ZNF407: variants seen among roughly 807,000 people sequenced by gnomAD.
ZNF407 encodes zinc finger protein 407.
In ZNF407, 17 loss-of-function variants were observed where a neutral mutation model predicts 131.2. The ratio of observed to expected loss-of-function variants is 0.13; its 90% CI spans 0.09 to 0.19. The LOEUF (loss-of-function observed/expected upper bound fraction) is 0.19, where lower values mean the gene tolerates loss of function less well. Ranked by LOEUF, ZNF407 falls within the 10% of genes least tolerant of loss-of-function variation. The pLI is 1.00. For synonymous variants in ZNF407, 1,156 were observed against 1,062.0 expected (o/e 1.09, Z -1.72); for missense variants, 2,681 against 2,830.6 (o/e 0.95, Z 1.20).
chr18:74,645,103 C>T lies in ZNF407; in HGVS notation c.4802+3981C>T, dbSNP rs1300063957. On this transcript the variant is annotated intron_variant, in intron 3 of 8. Coordinates refer to ENST00000299687, the MANE Select transcript of ZNF407 (RefSeq NM_017757.3). ...GTTGTTTTAAATAGTTTTATTTTTTCCCACTCATTCATGTGTTGATTATTG... is the reference window on the plus strand; with the variant it reads ...GTTGTTTTAAATAGTTTTATTTTTTTCCACTCATTCATGTGTTGATTATTG... Among the ~76,000 whole-genome samples, 4 of 145,410 alleles carry T rather than the reference C, an allele frequency of 2.8e-5. No homozygotes were observed. In the East Asian group the frequency reaches 7.8e-4, roughly 28 times the overall value.
chr18:74,735,144 A>C (rs763370395), intron 3 of ZNF407, among the ~76,000 whole-genome samples: 1 of 152,206 alleles, frequency 6.6e-6, no homozygotes, highest in African/African-American at 2.4e-5. Flanking sequence ...AATACTGTAT[A>C]GTTGTTTTAA....
intron 8 of ZNF407, among the ~76,000 whole-genome samples, chr18:75,000,695 A>T (rs183262003): frequency 6.6e-6 from 1 of 152,214 alleles, no homozygotes; most frequent in East Asian, 1.9e-4. Context: ...TTTTTTCTGC[A>T]TCATTTTTAT....
At chr18:74,759,365 T>C (rs1969039582) in intron 3 of ZNF407, among the ~76,000 whole-genome samples, 1 of 152,214 alleles carries the variant, frequency 6.6e-6, no homozygotes, top group South Asian at 2.1e-4. Flanking sequence ...GTCTCTTGGA[T>C]GTTAAGACTA....
At chr18:74,689,547 A>G (rs1305862777) in intron 3 of ZNF407, among the ~76,000 whole-genome samples, 1 of 152,206 alleles carries the variant, frequency 6.6e-6, no homozygotes, top group Non-Finnish European at 1.5e-5. Context: ...TTCTGCCACA[A>G]ATGCTTTATA....
At chr18:74,621,451 AC>A (rs1217572040) in intron 1 of ZNF407, among the ~76,000 whole-genome samples, 1 of 151,970 alleles carries the variant, frequency 6.6e-6, no homozygotes, top group Admixed American at 6.6e-5. Context: ...CTGAAGGCTT[AC>A]CTCAAGCTGG....
At position 75,064,358 on chromosome 18, in the gene ZNF407, C is replaced by T; in HGVS notation, c.6637C>T (p.Pro2213Ser). ...CACGCTAGGCACAGAGGCCGGGGCC[C>T]CAAGCAGGGCAGAGCAGCTGGCCAG... ...GATLGTEAGA[P>S]SRAEQLASVV... Residue 2213 changes from proline (P) to serine (S), a missense_variant, in exon 9 of 9, where the codon CCA (proline) becomes TCA (serine). By Grantham distance (74) the Pro-to-Ser change is moderately conservative. This residue lies in a region of ZNF407 where 620 missense variants were observed against 583.1 expected (regional missense o/e 1.06). Transcript: ENST00000299687. The T allele has an allele frequency of 6.3e-7, 1 of 1,584,554 alleles. No individual in the cohort carries two copies. The highest frequency in any genetic ancestry group is 8.6e-7 in the Non-Finnish European group (1 of 1,166,212).
chr18:74,920,790 G>A, intron 8 of ZNF407, 98 bp downstream of exon 8: 2 of 1,419,664 alleles, frequency 1.4e-6, no homozygotes, highest in South Asian at 3.4e-5. Context: ...TTATTGTAAT[G>A]GAGTAGAGTA....
intron 3 of ZNF407, among the ~76,000 whole-genome samples, chr18:74,719,487 C>T (rs1967975960): frequency 6.6e-6 from 1 of 152,220 alleles, no homozygotes; most frequent in Non-Finnish European, 1.5e-5. Context: ...GCAAGCTCCG[C>T]CTCCCGGGTT....
intron 4 of ZNF407, among the ~76,000 whole-genome samples, chr18:74,839,991 T>A (rs1970610404): frequency 6.6e-6 from 1 of 152,132 alleles, no homozygotes; most frequent in African/African-American, 2.4e-5. Flanking sequence ...GGAAATTTAA[T>A]GTCCCCTTGA....
intron 4 of ZNF407, among the ~76,000 whole-genome samples, chr18:74,806,767 A>G (rs1169635159): frequency 6.6e-6 from 1 of 152,220 alleles, no homozygotes; most frequent in Non-Finnish European, 1.5e-5. Flanking sequence ...ATAAGGAATA[A>G]TACTCCCTTT....
intron 8 of ZNF407, among the ~76,000 whole-genome samples, chr18:74,969,738 C>G (rs141015893): frequency 6.6e-6 from 1 of 152,198 alleles, no homozygotes; most frequent in Admixed American, 6.5e-5. Flanking sequence ...GTAACTGGGT[C>G]TCTTTTCCAC....
At position 75,063,929 on chromosome 18, in the gene ZNF407, G is replaced by C; in HGVS notation, c.6208G>C (p.Glu2070Gln). 1 of 1,613,786 alleles carries C rather than the reference G, an allele frequency of 6.2e-7. No homozygotes were observed. Among genetic ancestry groups the C allele is most frequent in the East Asian group, 2.2e-5 (1 of 44,840 alleles). Residue 2070 changes from glutamate (E) to glutamine (Q), a missense_variant, in exon 9 of 9, where the codon GAG (glutamate) becomes CAG (glutamine). Transcript: ENST00000299687. The surrounding 1 kb of genome is among the most constrained non-coding windows in gnomAD (Gnocchi z 6.6). ...VHPSAAMASQ[E>Q]RAQVAFKKMV... ...TCCCTCAGCAGCCATGGCCTCTCAGGAGCGGGCACAGGTGGCCTTCAAGAA... is the reference window on the plus strand; with the variant it reads ...TCCCTCAGCAGCCATGGCCTCTCAGCAGCGGGCACAGGTGGCCTTCAAGAA...
At chr18:74,936,304 G>A (rs1323870986) in intron 8 of ZNF407, among the ~76,000 whole-genome samples, 1 of 152,142 alleles carries the variant, frequency 6.6e-6, no homozygotes, top group East Asian at 1.9e-4. Flanking sequence ...ACATTAATAT[G>A]CATAGTCATT....
At chr18:74,966,014 A>AT (rs1490487524) in intron 8 of ZNF407, among the ~76,000 whole-genome samples, 1 of 151,998 alleles carries the variant, frequency 6.6e-6, no homozygotes, top group African/African-American at 2.4e-5. Flanking sequence ...AGATTATTAG[A>AT]TTTTTTTCCT....
At chr18:74,861,156 T>C (rs1970932108) in intron 4 of ZNF407, among the ~76,000 whole-genome samples, 2 of 152,200 alleles carry the variant, frequency 1.3e-5, no homozygotes, top group Non-Finnish European at 1.5e-5. Context: ...ACAGAAAAGC[T>C]GATAGTCCAA....
Position 75,052,455 on chromosome 18 carries a change from G to A in ZNF407, c.5429-10695G>A, listed in dbSNP as rs140002816. 3.2e-3 allele frequency among the ~76,000 whole-genome samples: 484 copies of A among 152,286 alleles called. 1 individual carries two copies. Among genetic ancestry groups the A allele is most frequent in the African/African-American group, 0.011 (448 of 41,570 alleles). On this transcript the variant is annotated intron_variant, in intron 8 of 8. Coordinates refer to ENST00000299687, the MANE Select transcript of ZNF407 (RefSeq NM_017757.3). Reference sequence around the variant, plus strand: ...CTCCATGAAGGAGCTCAGGGAGCCCGTCTTCCGGTCCTCCCATGTCCCTTG... The same window carrying A: ...CTCCATGAAGGAGCTCAGGGAGCCCATCTTCCGGTCCTCCCATGTCCCTTG...
intron 3 of ZNF407, among the ~76,000 whole-genome samples, chr18:74,681,865 G>C (rs1314136522): frequency 6.6e-6 from 1 of 151,930 alleles, no homozygotes; most frequent in Non-Finnish European, 1.5e-5. Context: ...GGCATTGTTA[G>C]TGCTCCAGAA....
At chr18:74,762,929 C>T (rs1431130915) in intron 3 of ZNF407, among the ~76,000 whole-genome samples, 1 of 151,978 alleles carries the variant, frequency 6.6e-6, no homozygotes, top group East Asian at 1.9e-4. Context: ...TTTTGTATGG[C>T]CATAGCCCTA....
At chr18:74,663,226 G>A (rs1008121438) in intron 3 of ZNF407, among the ~76,000 whole-genome samples, 1 of 152,132 alleles carries the variant, frequency 6.6e-6, no homozygotes, top group Non-Finnish European at 1.5e-5. Flanking sequence ...GTCCATTTTA[G>A]ATGCTTGTCC....
Sources: allele counts gnomAD v4.1 joint callset (sites outside exome capture counted in the v4.1 genomes callset), GRCh38; gene constraint gnomAD v4.1.1; regional missense constraint gnomAD v4.1.1; non-coding constraint Gnocchi (gnomAD v3.1); transcripts MANE v1.5; gene names NCBI Gene and HGNC (gene_info 2026-07-23, HGNC 2026-07-21).